The following KDM4B variants were observed in gnomAD, a reference collection of about 807,000 sequenced individuals.
The protein encoded by KDM4B is lysine-specific demethylase 4B.
In KDM4B, 32 loss-of-function variants were observed where a neutral mutation model predicts 125.2. That is an observed-to-expected ratio of 0.26 (90% CI 0.19 to 0.34). The LOEUF (loss-of-function observed/expected upper bound fraction) is 0.34. KDM4B is among the 10% of genes least tolerant of loss of function. The pLI is 1.00. For synonymous variants in KDM4B, 721 were observed against 677.9 expected (o/e 1.06, Z -0.99); for missense variants, 1,190 against 1,577.7 (o/e 0.75, Z 4.16).
At chr19:5,047,330 C>G in intron 5 of KDM4B, 146 bp from the exon 6 acceptor site, 1 of 687,730 alleles carries the variant, frequency 1.5e-6, no homozygotes, top group Non-Finnish European at 2.4e-6. Context: ...CAGGGTATGA[C>G]CGGCCCCTGG....
chr19:5,128,582 C>A (rs982641989), intron 11 of KDM4B, among the ~76,000 whole-genome samples: 1 of 152,204 alleles, frequency 6.6e-6, no homozygotes. Flanking sequence ...CTTTTACACA[C>A]GCAGGACAGT....
Position 5,019,906 on chromosome 19 carries a change from GTGTTGGTGTGGA to G in KDM4B, c.-26+3579_-26+3590del, listed in dbSNP as rs1386541693. ...TTGGTGTGCAGGTGTTAGTGTGCAG[GTGTTGGTGTGGA>G]TGTTGGTGTGGGTGTTGGTGTGCAG... On this transcript the variant is annotated intron_variant, in intron 2 of 22. Transcript: ENST00000159111. Among the ~76,000 whole-genome samples, 77 of 148,432 alleles carry G rather than the reference GTGTTGGTGTGGA, an allele frequency of 5.2e-4. 1 individual carries two copies. The highest frequency in any genetic ancestry group is 1.9e-3 in the African/African-American group (75 of 39,796).
intron 7 of KDM4B, among the ~76,000 whole-genome samples, 188 bp downstream of exon 7, chr19:5,071,247 C>T (rs991841758): frequency 3.9e-5 from 6 of 152,252 alleles, no homozygotes; most frequent in East Asian, 1.9e-4. Context: ...GTCAGATTCA[C>T]GCCCTTCTGC....
intron 2 of KDM4B, among the ~76,000 whole-genome samples, chr19:5,020,373 G>A (rs2036075489): frequency 6.6e-6 from 1 of 152,014 alleles, no homozygotes; most frequent in Non-Finnish European, 1.5e-5. Context: ...CTGTGGACAT[G>A]CGTTTTTGTT....
chr19:5,053,721 G>A (rs536826084), intron 6 of KDM4B, among the ~76,000 whole-genome samples: 1 of 152,356 alleles, frequency 6.6e-6, no homozygotes, highest in Non-Finnish European at 1.5e-5. Flanking sequence ...CTTTTTGAGA[G>A]AAGACAGTTG....
chr19:5,147,539 G>A (rs1290903806), intron 21 of KDM4B, among the ~76,000 whole-genome samples: 2 of 152,100 alleles, frequency 1.3e-5, no homozygotes, highest in African/African-American at 2.4e-5. Context: ...GAGCACAGGG[G>A]TTCGAGACCA....
At chr19:5,038,532 C>T (rs1261656561) in intron 3 of KDM4B, among the ~76,000 whole-genome samples, 1 of 152,214 alleles carries the variant, frequency 6.6e-6, no homozygotes, top group Non-Finnish European at 1.5e-5. Context: ...GCTGCAGTGC[C>T]GCCTCTGACA....
intron 5 of KDM4B, among the ~76,000 whole-genome samples, chr19:5,045,473 A>G (rs527539584): frequency 7.9e-5 from 12 of 151,872 alleles, no homozygotes; most frequent in Non-Finnish European, 1.2e-4. Flanking sequence ...TGCAACCTCC[A>G]CTTCCTGGGT....
At position 5,142,571 on chromosome 19, in the gene KDM4B, C is replaced by A. The variant is rs568231061; in HGVS notation, c.2551-1396C>A. Among the ~76,000 whole-genome samples, 1 of 151,774 alleles carries A rather than the reference C, an allele frequency of 6.6e-6. No homozygotes were observed. The highest frequency in any genetic ancestry group is 6.6e-5 in the Admixed American group (1 of 15,264). ...GGCTGGGTTTCTCCTGGGCCTGGGC[C>A]GAGGGGTGGAGGCCTGTGGGTGACG... On this transcript the variant is annotated intron_variant, in intron 18 of 22. Coordinates refer to ENST00000159111, the MANE Select transcript of KDM4B (RefSeq NM_015015.3). This position sits in a 1 kb window ranked among gnomAD's most constrained non-coding sequence, Gnocchi z 5.4.
chr19:5,085,124 C>T (rs950110964), intron 9 of KDM4B, among the ~76,000 whole-genome samples: 1 of 152,180 alleles, frequency 6.6e-6, no homozygotes, highest in African/African-American at 2.4e-5. Context: ...ATTTTTCTGG[C>T]TGTTTCTCTG....
chr19:5,059,179 C>T (rs186791195), intron 6 of KDM4B, among the ~76,000 whole-genome samples: 10 of 152,324 alleles, frequency 6.6e-5, no homozygotes, highest in Admixed American at 1.3e-4. Context: ...AGGCTGCTGC[C>T]GGCGGGGTTC....
At chr19:5,007,530 C>T (rs1157080631) in intron 1 of KDM4B, among the ~76,000 whole-genome samples, 1 of 144,106 alleles carries the variant, frequency 6.9e-6, no homozygotes, top group East Asian at 2.1e-4. Flanking sequence ...TGTCTTTTCA[C>T]TTTCTCTCTC....
rs141163049 is a variant in KDM4B, at chr19:5,013,794, T to C, written c.-108-2463T>C. ...CATGGAAGGTGAAATAGTCCCAGGG[T>C]CTGGGGGTTAGGATGGGGACATCTT... is the stretch of plus-strand genomic sequence containing the variant. On this transcript the variant is annotated intron_variant, in intron 1 of 22. Transcript: ENST00000159111. Among the ~76,000 whole-genome samples the C allele has an allele frequency of 7.4e-3, 1,124 of 152,286 alleles. 29 individuals are homozygous for C. The highest frequency in any genetic ancestry group is 0.065 in the South Asian group (313 of 4,826).
chr19:5,003,200 T>A (rs4807007), intron 1 of KDM4B, among the ~76,000 whole-genome samples: 14,805 of 152,276 alleles, frequency 0.097, 973 homozygotes, highest in Admixed American at 0.15. Flanking sequence ...ATTAAAAAAA[T>A]CCCTGCTTGG....
intron 1 of KDM4B, among the ~76,000 whole-genome samples, chr19:5,010,359 G>A (rs768307295): frequency 6.6e-5 from 10 of 152,172 alleles, no homozygotes; most frequent in Admixed American, 1.3e-4. Flanking sequence ...TGGCTGATGC[G>A]GCTCAGCGTG....
chr19:5,126,747 C>T (rs2039456462), intron 11 of KDM4B, among the ~76,000 whole-genome samples: 1 of 152,244 alleles, frequency 6.6e-6, no homozygotes, highest in African/African-American at 2.4e-5. Context: ...CCGTCAGGCG[C>T]ACCCGGCTGC....
At chr19:5,130,725 G>A (rs1477650610) in intron 11 of KDM4B, among the ~76,000 whole-genome samples, 2 of 152,206 alleles carry the variant, frequency 1.3e-5, no homozygotes, top group Non-Finnish European at 2.9e-5. Context: ...GAGCCCAGAA[G>A]ACAGAGCAGC....
chr19:5,024,709 G>A (rs150457482), intron 2 of KDM4B, among the ~76,000 whole-genome samples: 2,539 of 152,104 alleles, frequency 0.017, 29 homozygotes, highest in Middle Eastern at 0.031. Context: ...CCAGCACTTT[G>A]GGAGGCCGAG....
chr19:4,983,177 G>A (rs1457686922), intron 1 of KDM4B, among the ~76,000 whole-genome samples: 2 of 135,108 alleles, frequency 1.5e-5, no homozygotes, highest in African/African-American at 6.0e-5. Context: ...CATTCATTGT[G>A]TATTTCCCCT....
Sources: gnomAD v4.1 joint callset for allele counts (sites outside exome capture counted in the v4.1 genomes callset) on GRCh38, gnomAD v4.1.1 for gene constraint, Gnocchi (gnomAD v3.1) non-coding constraint, MANE v1.5 for transcripts, NCBI Gene and HGNC (gene_info 2026-07-23, HGNC 2026-07-21) for gene names.